Variants in NDRG4 observed in about 807,000 individuals in gnomAD.
NDRG4 encodes the protein NDRG family member 4.
NDRG4 carries 38 observed loss-of-function variants against 55.8 expected under a neutral mutation model. The ratio of observed to expected loss-of-function variants is 0.68; its 90% CI spans 0.53 to 0.89. NDRG4 has a LOEUF of 0.89. Ranked by LOEUF, NDRG4 falls within the 40% of genes least tolerant of loss-of-function variation. The pLI is 0.00. For synonymous variants in NDRG4, 190 were observed against 182.7 expected, an observed-to-expected ratio of 1.04 and a Z score of -0.32; for missense variants, 455 against 468.6, an observed-to-expected ratio of 0.97 and a Z score of 0.27.
intron 1 of NDRG4, chr16:58,501,905 T>G (rs1402099094): frequency 4.5e-6 from 2 of 444,068 alleles, no homozygotes; most frequent in African/African-American, 4.0e-5. Context: ...CCCTGGGCTC[T>G]CGACGTCTGA....
chr16:58,509,291 C>T lies in NDRG4; in HGVS notation c.814-10C>T, dbSNP rs372978277. The T allele has an allele frequency of 6.2e-7, 1 of 1,614,074 alleles. No individual in the cohort carries two copies. Among genetic ancestry groups the T allele is most frequent in the Non-Finnish European group, 8.5e-7 (1 of 1,179,988 alleles). ...CCAATGAAAGCATGTGCTTGTCCTG[C>T]CCTCCGCAGCCAGGGAAGCTGACTG... On this transcript the variant is annotated splice_polypyrimidine_tract_variant and intron_variant, in intron 12 of 14. Transcript: ENST00000570248.
intron 1 of NDRG4, among the ~76,000 whole-genome samples, chr16:58,468,003 G>A (rs2032040060): frequency 6.6e-6 from 1 of 152,196 alleles, no homozygotes; most frequent in Non-Finnish European, 1.5e-5. Context: ...TCTCTGAGCT[G>A]TGTCTCTGGG....
In NDRG4 at chr16:58,464,151, C is replaced by T. The variant is rs566567298; in HGVS notation, c.-24+354C>T. 1.5e-4 allele frequency: 55 copies of T among 360,824 alleles called. No homozygotes were observed. Among genetic ancestry groups the T allele is most frequent in the African/African-American group, 1.0e-3 (49 of 47,506 alleles). 22.4% of individuals were successfully genotyped at this position (360,824 alleles called of 1,614,324 possible). ...CCACGGTGTCACCGCACCCACCCCG[C>T]GCCCTTCCTCCGCCTCCTGGAGTTC... is the stretch of plus-strand genomic sequence containing the variant. On this transcript the variant is annotated intron_variant, in intron 1 of 15. Coordinates refer to the NDRG4 transcript ENST00000258187. This position sits in a 1 kb window ranked among gnomAD's most constrained non-coding sequence, Gnocchi z 4.8.
intron 1 of NDRG4, among the ~76,000 whole-genome samples, chr16:58,477,006 G>A (rs2033742066): frequency 6.6e-6 from 1 of 151,958 alleles, no homozygotes; most frequent in African/African-American, 2.4e-5. Flanking sequence ...TGAGAGCCAG[G>A]TTTCTCACCA....
intron 2 of NDRG4, among the ~76,000 whole-genome samples, chr16:58,493,209 C>T (rs186638042): frequency 2.6e-5 from 4 of 152,348 alleles, no homozygotes; most frequent in African/African-American, 4.8e-5. Context: ...CTGCTTCCCT[C>T]ATCCTCCTGT....
chr16:58,472,683 G>A (rs1250461640), intron 1 of NDRG4, among the ~76,000 whole-genome samples: 2 of 152,108 alleles, frequency 1.3e-5, no homozygotes, highest in Non-Finnish European at 2.9e-5. Flanking sequence ...CAGGGCCATC[G>A]GCCTCTGTCT....
chr16:58,501,954 C>T (rs770117140), intron 1 of NDRG4: 12 of 455,548 alleles, frequency 2.6e-5, no homozygotes, highest in South Asian at 1.7e-4. Flanking sequence ...GCAGGAGGCG[C>T]ATTGCAGTTC....
At chr16:58,465,624 C>T (rs747505762) in intron 1 of NDRG4, among the ~76,000 whole-genome samples, 7 of 151,938 alleles carry the variant, frequency 4.6e-5, no homozygotes, top group African/African-American at 9.7e-5. Flanking sequence ...GCAGGCCAGG[C>T]GCAGTGGCTC....
intron 1 of NDRG4, chr16:58,501,789 C>T (rs1169131170): frequency 8.6e-6 from 3 of 347,290 alleles, no homozygotes; most frequent in Non-Finnish European, 1.7e-5. Flanking sequence ...GCGGCCACAC[C>T]AGGGCTGGGA....
At chr16:58,494,784 A>T (rs2036200348) in intron 2 of NDRG4, among the ~76,000 whole-genome samples, 2 of 147,896 alleles carry the variant, frequency 1.4e-5, no homozygotes, top group Non-Finnish European at 1.5e-5. Flanking sequence ...GTGAGCTGTG[A>T]TTGCACCACT....
intron 1 of NDRG4, among the ~76,000 whole-genome samples, chr16:58,469,374 A>AGG (rs1328217082): frequency 7.0e-6 from 1 of 143,238 alleles, no homozygotes; most frequent in Non-Finnish European, 1.5e-5. Flanking sequence ...GGGTGTGCTC[A>AGG]GGGAGGGTGG....
chr16:58,506,075 G>A (rs1393798791), intron 5 of NDRG4: 5 of 527,332 alleles, frequency 9.5e-6, no homozygotes, highest in South Asian at 7.3e-5. Context: ...ATTTTAAGAT[G>A]TTTAATACTC....
In NDRG4 at chr16:58,511,435, C is replaced by A; in HGVS notation, c.918C>A (p.Ser306Arg). 6.2e-7 allele frequency: 1 copy of A among 1,607,008 alleles called. No homozygotes were observed. Among genetic ancestry groups the A allele is most frequent in the Non-Finnish European group, 8.5e-7 (1 of 1,176,002 alleles). The change falls in exon 15 of 15, where the codon AGC becomes AGA. Residue 306 changes from serine to arginine, a missense_variant. Transcript: ENST00000570248. ...CTCTGTCCACAGTGCCCTCAGCCAG[C>A]ATGACCCGCCTGGCACGCTCCCGCA... is the stretch of plus-strand genomic sequence containing the variant. ...RLSGGAVPSA[S>R]MTRLARSRTA...
At chr16:58,505,706 T>A (rs2151815333) in intron 5 of NDRG4, among the ~76,000 whole-genome samples, 2 of 138,962 alleles carry the variant, frequency 1.4e-5, no homozygotes, top group African/African-American at 2.6e-5. Context: ...CATGAGGGCT[T>A]CATTTTCTTT....
At chr16:58,474,946 C>T (rs1352008369) in intron 1 of NDRG4, among the ~76,000 whole-genome samples, 1 of 152,166 alleles carries the variant, frequency 6.6e-6, no homozygotes, top group Non-Finnish European at 1.5e-5. Context: ...TTGCTTGGAA[C>T]AGAGTCCCTC....
intron 1 of NDRG4, among the ~76,000 whole-genome samples, chr16:58,478,940 TAC>T (rs1294369003): frequency 6.6e-6 from 1 of 152,168 alleles, no homozygotes; most frequent in Non-Finnish European, 1.5e-5. Context: ...GAAGCATTGT[TAC>T]AGTTTACCCT....
intron 1 of NDRG4, among the ~76,000 whole-genome samples, chr16:58,471,207 T>TG (rs56777050): frequency 1.1e-4 from 14 of 132,388 alleles, no homozygotes; most frequent in South Asian, 7.5e-4. Context: ...TTTTTTTTTT[T>TG]TTTTTGGAGA....
At position 58,504,291 on chromosome 16, in the gene NDRG4, C is replaced by A; in HGVS notation, c.248+17C>A. On this transcript the variant is annotated intron_variant, in intron 3 of 14. Transcript: ENST00000570248. ...TCCTCAGGGGTAGGTACCCTGAGCCCCCTCTGCCTGTCTCCAGCTCTGCAC... is the reference window on the plus strand; with the variant it reads ...TCCTCAGGGGTAGGTACCCTGAGCCACCTCTGCCTGTCTCCAGCTCTGCAC... The A allele has an allele frequency of 1.2e-6, 2 of 1,614,050 alleles. No homozygotes were observed. The highest frequency in any genetic ancestry group is 1.7e-6 in the Non-Finnish European group (2 of 1,179,982).
chr16:58,505,708 ATTTTCTTTTTTT>A (rs2037855916), intron 5 of NDRG4, among the ~76,000 whole-genome samples: 2 of 70,626 alleles, frequency 2.8e-5, no homozygotes, highest in Non-Finnish European at 5.4e-5. Flanking sequence ...TGAGGGCTTC[ATTTTCTTTTTTT>A]TTTTTTTTTT....
Sources: gnomAD v4.1 joint callset for allele counts (sites outside exome capture counted in the v4.1 genomes callset) on GRCh38, gnomAD v4.1.1 for gene constraint, Gnocchi (gnomAD v3.1) non-coding constraint, MANE v1.5 for transcripts, NCBI Gene and HGNC (gene_info 2026-07-23, HGNC 2026-07-21) for gene names.